Variants in NALCN observed in about 807,000 individuals in gnomAD.
NALCN encodes the protein sodium leak channel, non-selective.
In NALCN, 111 loss-of-function variants were observed where a neutral mutation model predicts 225.3. That is an observed-to-expected ratio of 0.49 (90% CI 0.42 to 0.58). The LOEUF (loss-of-function observed/expected upper bound fraction) is 0.58. Among genes scored for constraint, NALCN ranks in the 20% least tolerant of loss-of-function variants. The probability of loss-of-function intolerance (pLI) is 0.00; values close to 1 mark genes in which losing one functional copy is unlikely to be tolerated. For synonymous variants in NALCN, 764 were observed against 769.0 expected (o/e 0.99, Z 0.11); for missense variants, 1,378 against 2,202.4 (o/e 0.63, Z 7.49).
At chr13:101,230,659 A>C (rs1313896453) in intron 12 of NALCN, among the ~76,000 whole-genome samples, 1 of 152,332 alleles carries the variant, frequency 6.6e-6, no homozygotes, top group South Asian at 2.1e-4. Flanking sequence ...CTTGCATAGA[A>C]TACGACAGGT....
chr13:101,403,687 A>G (rs2047540385), intron 1 of NALCN, among the ~76,000 whole-genome samples: 1 of 152,222 alleles, frequency 6.6e-6, no homozygotes, highest in Non-Finnish European at 1.5e-5. Context: ...CAATACATCA[A>G]TACCAACAAC....
chr13:101,309,973 G>T (rs1016550273), intron 7 of NALCN, among the ~76,000 whole-genome samples: 1 of 152,038 alleles, frequency 6.6e-6, no homozygotes, highest in Non-Finnish European at 1.5e-5. Flanking sequence ...AATCACTGAG[G>T]CCAGAAGCTT....
chr13:101,232,641 T>A (rs1326741148), intron 12 of NALCN, among the ~76,000 whole-genome samples: 2 of 151,792 alleles, frequency 1.3e-5, no homozygotes, highest in African/African-American at 2.4e-5. Context: ...AGAGACGGGG[T>A]TTCACCATGT....
At chr13:101,378,148 C>G (rs1230537760) in intron 4 of NALCN, among the ~76,000 whole-genome samples, 1 of 151,946 alleles carries the variant, frequency 6.6e-6, no homozygotes, top group Non-Finnish European at 1.5e-5. Context: ...ATCTGATTAA[C>G]AGCTAATAAT....
chr13:101,188,434 G>T (rs569167823), intron 14 of NALCN, among the ~76,000 whole-genome samples: 74 of 152,074 alleles, frequency 4.9e-4, no homozygotes, highest in African/African-American at 1.7e-3. Flanking sequence ...ACTCCCCTAG[G>T]GATGGCCATC....
At position 101,395,192 on chromosome 13, in the gene NALCN, G is replaced by A. The variant is rs755015520; in HGVS notation, c.282C>T (p.Gly94=). 1 of 1,612,742 alleles carries A rather than the reference G, an allele frequency of 6.2e-7. No homozygotes were observed. Among genetic ancestry groups the A allele is most frequent in the Non-Finnish European group, 8.5e-7 (1 of 1,179,376 alleles). Residue 94 remains glycine, a synonymous_variant, in exon 3 of 44, where the codon GGC becomes GGT. Transcript: ENST00000251127. ...ACATGGAAGTGCTCACCTTGACAAT[G>A]CCCCGGATGTGCATTTTTGCTATCA... ...AEMIAKMHIR[G]IVKGDSSYVK...
chr13:101,313,671 G>A (rs1055556785), intron 7 of NALCN, among the ~76,000 whole-genome samples: 2 of 152,190 alleles, frequency 1.3e-5, no homozygotes, highest in Admixed American at 1.3e-4. Context: ...ACAGGTGCTG[G>A]AGAGGATGTG....
At chr13:101,379,112 A>G (rs1026446644) in intron 3 of NALCN, among the ~76,000 whole-genome samples, 1 of 152,228 alleles carries the variant, frequency 6.6e-6, no homozygotes, top group Non-Finnish European at 1.5e-5. Context: ...GTGAAGAAGA[A>G]AAAAAGCTCA....
chr13:101,314,932 G>A (rs2044498337), intron 7 of NALCN, among the ~76,000 whole-genome samples: 1 of 151,932 alleles, frequency 6.6e-6, no homozygotes, highest in South Asian at 2.1e-4. Flanking sequence ...GGCGGGAAGA[G>A]GACAATGCTG....
At chr13:101,298,102 G>A (rs1346986878) in intron 7 of NALCN, among the ~76,000 whole-genome samples, 7 of 152,204 alleles carry the variant, frequency 4.6e-5, no homozygotes, top group Admixed American at 4.6e-4. Flanking sequence ...CTGTGGAAGT[G>A]TATGATCCTA....
intron 11 of NALCN, among the ~76,000 whole-genome samples, chr13:101,245,892 C>A (rs144095204): frequency 6.6e-6 from 1 of 152,092 alleles, no homozygotes; most frequent in Non-Finnish European, 1.5e-5. Flanking sequence ...AATGTAACTT[C>A]GTAACTTCAC....
chr13:101,144,044 T>G (rs1466219149), intron 16 of NALCN, among the ~76,000 whole-genome samples: 1 of 152,230 alleles, frequency 6.6e-6, no homozygotes. Context: ...GCACCATATA[T>G]AGTCTCATAC....
chr13:101,095,091 A>G (rs2034432686), intron 28 of NALCN, among the ~76,000 whole-genome samples: 1 of 152,218 alleles, frequency 6.6e-6, no homozygotes, highest in African/African-American at 2.4e-5. Context: ...GAAAGTTAGA[A>G]GCAATCAACT....
intron 40 of NALCN, 133 bp from the exon 41 acceptor site, chr13:101,062,251 G>A (rs944049625): frequency 1.1e-5 from 11 of 981,842 alleles, no homozygotes; most frequent in Admixed American, 4.8e-5. Context: ...CTCGCCACCC[G>A]CATGTCTTGG....
chr13:101,292,429 C>T lies in NALCN; in HGVS notation c.800-63G>A. On this transcript the variant is annotated intron_variant, in intron 7 of 43. Coordinates refer to ENST00000251127, the MANE Select transcript of NALCN (RefSeq NM_052867.4). The surrounding 1 kb of genome is among the most constrained non-coding windows in gnomAD (Gnocchi z 4.3). ...ACTTTTGAAATAAGAAAGCATTTTC[C>T]AGAAAAACAATCAATATTTATCCAT... 1 of 1,507,368 alleles carries T rather than the reference C, an allele frequency of 6.6e-7. No individual in the cohort carries two copies. The highest frequency in any genetic ancestry group is 9.0e-7 in the Non-Finnish European group (1 of 1,116,664). The allele number at this position is 1,507,368 out of a possible 1,614,324, so 93.4% of individuals were successfully genotyped here.
chr13:101,227,075 G>C (rs1397812645), intron 13 of NALCN, among the ~76,000 whole-genome samples: 1 of 152,094 alleles, frequency 6.6e-6, no homozygotes, highest in African/African-American at 2.4e-5. Flanking sequence ...GCCTACCTTT[G>C]CCTCCTGCCT....
chr13:101,061,285 G>A (rs1489306438), intron 41 of NALCN, among the ~76,000 whole-genome samples: 2 of 152,080 alleles, frequency 1.3e-5, no homozygotes, highest in South Asian at 4.1e-4. Flanking sequence ...GAAATTTTTA[G>A]CAGCAATTTA....
At chr13:101,192,687 A>AAAC (rs2039732024) in intron 13 of NALCN, among the ~76,000 whole-genome samples, 1 of 128,524 alleles carries the variant, frequency 7.8e-6, no homozygotes, top group African/African-American at 4.8e-5. Context: ...ACAAACAAAA[A>AAAC]AGAAATAAAA....
intron 40 of NALCN, among the ~76,000 whole-genome samples, chr13:101,064,896 C>A (rs1343770326): frequency 6.6e-6 from 1 of 152,220 alleles, no homozygotes; most frequent in African/African-American, 2.4e-5. Flanking sequence ...ACCCTCTGTC[C>A]TGTCTGGGCG....
Sources: allele counts gnomAD v4.1 joint callset (sites outside exome capture counted in the v4.1 genomes callset), GRCh38; gene constraint gnomAD v4.1.1; non-coding constraint Gnocchi (gnomAD v3.1); transcripts MANE v1.5; gene names NCBI Gene and HGNC (gene_info 2026-07-23, HGNC 2026-07-21).